Variants in SH3RF2 observed in about 807,000 individuals in gnomAD.
The protein encoded by SH3RF2 is SH3 domain containing ring finger 2, also known as E3 ubiquitin-protein ligase SH3RF2.
Under a neutral mutation model 59.0 loss-of-function variants are expected in SH3RF2, and 43 were observed. The observed-to-expected ratio is 0.73, with a 90% confidence interval of 0.57 to 0.94. The LOEUF is 0.94. Ranked by LOEUF, SH3RF2 falls within the 40% of genes least tolerant of loss-of-function variation. SH3RF2 has a pLI of 0.00. For synonymous variants in SH3RF2, 391 were observed against 391.5 expected (o/e 1.00, Z 0.01); for missense variants, 930 against 940.1 (o/e 0.99, Z 0.14).
rs547643781 is a variant in SH3RF2 at position 145,936,694 on chromosome 5, G to C, written c.-107G>C. 7.9e-5 allele frequency: 12 copies of C among 152,508 alleles called. No homozygotes were observed. Among genetic ancestry groups the C allele is most frequent in the Admixed American group, 5.9e-4 (9 of 15,310 alleles). 9.4% of individuals were successfully genotyped at this position (152,508 alleles called of 1,614,324 possible). A position where few individuals can be genotyped will look rare whatever the true frequency, so the allele number is the denominator to read the frequency against. ...AACTCAGCAGAAGTTACATGCACAA[G>C]GTTAGTGGCCCCCACACGCCTCCCC... On this transcript the variant is annotated splice_region_variant and 5_prime_UTR_variant, in exon 1 of 10. Coordinates refer to ENST00000359120, the MANE Select transcript of SH3RF2 (RefSeq NM_152550.4).
At chr5:145,978,755 T>G (rs1759398371) in intron 2 of SH3RF2, among the ~76,000 whole-genome samples, 1 of 152,042 alleles carries the variant, frequency 6.6e-6, no homozygotes, top group Non-Finnish European at 1.5e-5. Flanking sequence ...GTGAACAATC[T>G]CATAATAATC....
At chr5:145,970,621 G>T (rs1283882452) in intron 2 of SH3RF2, among the ~76,000 whole-genome samples, 3 of 152,168 alleles carry the variant, frequency 2.0e-5, no homozygotes, top group African/African-American at 4.8e-5. Flanking sequence ...GCAACAAAAA[G>T]GCCCTTAACA....
At chr5:146,063,666 C>T (rs187480108), downstream of SH3RF2, among the ~76,000 whole-genome samples, 20 of 152,260 alleles carry the variant, frequency 1.3e-4, no homozygotes, top group African/African-American at 4.8e-4. Context: ...TTGAGACCAG[C>T]CTGGCCAACA....
chr5:145,941,949 C>T (rs192468858), intron 2 of SH3RF2, among the ~76,000 whole-genome samples: 122 of 152,258 alleles, frequency 8.0e-4, no homozygotes, highest in African/African-American at 2.6e-3. Flanking sequence ...TTACACACAC[C>T]CTTTCAGCCC....
intron 4 of SH3RF2, among the ~76,000 whole-genome samples, chr5:146,007,616 C>A (rs1760701934): frequency 6.6e-6 from 1 of 152,138 alleles, no homozygotes; most frequent in South Asian, 2.1e-4. Context: ...GGGGAAGGCA[C>A]CAGTCATCTT....
At chr5:145,993,398 G>A (rs1363144199) in intron 2 of SH3RF2, among the ~76,000 whole-genome samples, 1 of 152,162 alleles carries the variant, frequency 6.6e-6, no homozygotes, top group African/African-American at 2.4e-5. Flanking sequence ...GGACTCTGTG[G>A]GGGGGCTCTG....
intron 6 of SH3RF2, 136 bp from the exon 7 acceptor site, chr5:146,048,939 G>A (rs1232191059): frequency 4.0e-6 from 4 of 1,005,236 alleles, no homozygotes; most frequent in Admixed American, 2.3e-5. Context: ...TTAGAGGTGA[G>A]AACCACCGCA....
chr5:145,991,138 G>A (rs1759917136), intron 2 of SH3RF2, among the ~76,000 whole-genome samples: 1 of 152,160 alleles, frequency 6.6e-6, no homozygotes, highest in Non-Finnish European at 1.5e-5. Context: ...GGTGACTTCA[G>A]GTGGATGGCA....
chr5:146,062,854 A>G lies in SH3RF2; in HGVS notation c.*153A>G. 1.9e-6 allele frequency: 2 copies of G among 1,041,844 alleles called. No individual in the cohort carries two copies. The highest frequency in any genetic ancestry group is 5.2e-5 in the East Asian group (2 of 38,366). The allele number at this position is 1,041,844 out of a possible 1,614,324, so 64.5% of individuals were successfully genotyped here. A position where few individuals can be genotyped will look rare whatever the true frequency, so the allele number is the denominator to read the frequency against. ...CCAGGAAAGCAAAAGTGGGAGCAGA[A>G]ATTCCTGCCCTGGGTGGGAGGATAG... On this transcript the variant is annotated 3_prime_UTR_variant, in exon 10 of 10. Coordinates refer to ENST00000359120, the MANE Select transcript of SH3RF2 (RefSeq NM_152550.4).
At chr5:146,029,036 A>G (rs6879988) in intron 5 of SH3RF2, among the ~76,000 whole-genome samples, 46,876 of 152,178 alleles carry the variant, frequency 0.31, 8,162 homozygotes, top group Non-Finnish European at 0.39. Context: ...ATACCCCCAC[A>G]ACAATAAACA....
rs527689123 is a variant in SH3RF2 at position 145,957,803 on chromosome 5, A to T, written c.378+19497A>T. On this transcript the variant is annotated intron_variant, in intron 2 of 9. Coordinates refer to ENST00000359120, the MANE Select transcript of SH3RF2 (RefSeq NM_152550.4). ...TGCAGGATGTTTTCAGGCAGGGGAA[A>T]CATCACAGGCATTAAAACCAAAAGA... Among the ~76,000 whole-genome samples, 67 of 152,296 alleles carry T rather than the reference A, an allele frequency of 4.4e-4. 1 individual carries two copies. The South Asian group carries it at 0.012, about 26-fold the overall frequency.
At chr5:145,940,883 T>C (rs1364899898) in intron 2 of SH3RF2, among the ~76,000 whole-genome samples, 1 of 152,196 alleles carries the variant, frequency 6.6e-6, no homozygotes, top group African/African-American at 2.4e-5. Flanking sequence ...TGGAAGATCA[T>C]TATCACAGTG....
rs148996271 is a variant in SH3RF2 at position 146,076,329 on chromosome 5, C to G, written c.*34-2131C>G. On this transcript the variant is annotated intron_variant, in intron 9 of 9. Coordinates refer to the SH3RF2 transcript ENST00000511217. The stretch of plus-strand genomic sequence containing the variant: ...AGATCAAAGCGGCCATCTCTGGGCC[C>G]ATTGTGATATTAACAGGTTGAACCT... Among the ~76,000 whole-genome samples, 548 of 152,206 alleles carry G rather than the reference C, an allele frequency of 3.6e-3. 2 individuals carry two copies. The highest frequency in any genetic ancestry group is 6.5e-3 in the Non-Finnish European group (444 of 68,000).
intron 2 of SH3RF2, among the ~76,000 whole-genome samples, chr5:145,991,279 T>C (rs1003899343): frequency 2.0e-5 from 3 of 152,202 alleles, no homozygotes; most frequent in Non-Finnish European, 4.4e-5. Flanking sequence ...TGTTTCCTCA[T>C]CATAAAATAG....
At chr5:146,004,398 T>C (rs1035231639) in intron 4 of SH3RF2, among the ~76,000 whole-genome samples, 6 of 152,186 alleles carry the variant, frequency 3.9e-5, no homozygotes, top group Non-Finnish European at 7.3e-5. Context: ...CAAATAAACT[T>C]ATACCAAAAA....
intron 2 of SH3RF2, among the ~76,000 whole-genome samples, chr5:145,975,060 C>T (rs147191383): frequency 7.9e-5 from 12 of 152,296 alleles, no homozygotes; most frequent in African/African-American, 1.9e-4. Context: ...ATGTCCAGAA[C>T]CTTGGAGACA....
downstream of SH3RF2, among the ~76,000 whole-genome samples, chr5:146,064,778 AG>A (rs1384724631): frequency 0.017 from 177 of 10,508 alleles, 17 homozygotes; most frequent in African/African-American, 0.043. Flanking sequence ...AAGGAAGGAA[AG>A]GAAGGAAGGA....
chr5:146,010,053 A>T (rs929589418), intron 4 of SH3RF2, among the ~76,000 whole-genome samples: 2 of 133,548 alleles, frequency 1.5e-5, no homozygotes, highest in Non-Finnish European at 3.2e-5. Context: ...GACAGGCCCC[A>T]GTGTGTGATG....
chr5:146,013,582 T>C (rs528015626), intron 4 of SH3RF2, among the ~76,000 whole-genome samples, 165 bp from the exon 5 acceptor site: 12 of 152,096 alleles, frequency 7.9e-5, no homozygotes, highest in Non-Finnish European at 1.8e-4. Context: ...TGAGGATGCA[T>C]CGATAAAAGA....
Sources: gnomAD v4.1 joint callset for allele counts (sites outside exome capture counted in the v4.1 genomes callset) on GRCh38, gnomAD v4.1.1 for gene constraint, MANE v1.5 for transcripts, NCBI Gene and HGNC (gene_info 2026-07-23, HGNC 2026-07-21) for gene names.